NRXN3: variants seen among roughly 807,000 people sequenced by gnomAD.
NRXN3 encodes the protein neurexin III.
In NRXN3, 32 loss-of-function variants were observed where a neutral mutation model predicts 137.6. The ratio of observed to expected loss-of-function variants is 0.23; its 90% CI spans 0.18 to 0.31. NRXN3 has a LOEUF of 0.31. Among genes scored for constraint, NRXN3 ranks in the 10% least tolerant of loss-of-function variants. The pLI is 1.00. For synonymous variants in NRXN3, 798 were observed against 784.5 expected, an observed-to-expected ratio of 1.02 and a Z score of -0.29; for missense variants, 1,574 against 2,062.5, an observed-to-expected ratio of 0.76 and a Z score of 4.59.
At chr14:78,444,173 T>C (rs984193625) in intron 4 of NRXN3, among the ~76,000 whole-genome samples, 1 of 152,226 alleles carries the variant, frequency 6.6e-6, no homozygotes, top group Non-Finnish European at 1.5e-5. Flanking sequence ...CCTCCTAATA[T>C]AAGCCATGTC....
At chr14:79,685,229 C>T (rs548157017) in intron 17 of NRXN3, among the ~76,000 whole-genome samples, 2 of 152,122 alleles carry the variant, frequency 1.3e-5, no homozygotes, top group Non-Finnish European at 2.9e-5. Flanking sequence ...GCTTTATATA[C>T]ATTTCCTTTT....
chr14:79,836,425 T>G (rs1466990609), intron 20 of NRXN3, among the ~76,000 whole-genome samples: 1 of 150,996 alleles, frequency 6.6e-6, no homozygotes, highest in East Asian at 2.0e-4. Flanking sequence ...ACACTTGTAG[T>G]ATCAAGCCTG....
chr14:79,014,944 G>C (rs1233384598), intron 15 of NRXN3, among the ~76,000 whole-genome samples: 1 of 152,096 alleles, frequency 6.6e-6, no homozygotes, highest in African/African-American at 2.4e-5. Context: ...AATGAGTCCT[G>C]GTGCATGGTA....
intron 4 of NRXN3, among the ~76,000 whole-genome samples, chr14:78,432,439 T>C (rs2093919993): frequency 6.6e-6 from 1 of 152,172 alleles, no homozygotes; most frequent in African/African-American, 2.4e-5. Flanking sequence ...ATCAAGCTGT[T>C]CAGCATTGGC....
At chr14:78,681,527 C>T (rs1447241471) in intron 6 of NRXN3, among the ~76,000 whole-genome samples, 4 of 152,054 alleles carry the variant, frequency 2.6e-5, no homozygotes, top group Non-Finnish European at 5.9e-5. Flanking sequence ...CTGTGGAGAC[C>T]TCAGATTCTT....
At chr14:79,473,500 A>G (rs2096532877) in intron 16 of NRXN3, among the ~76,000 whole-genome samples, 2 of 152,108 alleles carry the variant, frequency 1.3e-5, no homozygotes, top group South Asian at 4.1e-4. Context: ...GTCCTTAGTA[A>G]GGTTAGGTGG....
chr14:79,141,872 C>T lies in NRXN3; in HGVS notation c.3262+153731C>T, dbSNP rs143777039. Among the ~76,000 whole-genome samples, 997 of 152,218 alleles carry T rather than the reference C, an allele frequency of 6.5e-3. 7 individuals are homozygous for T. Among genetic ancestry groups the T allele is most frequent in the African/African-American group, 0.023 (940 of 41,520 alleles). ...GTGGCCTCAAACTTCTGTATATATT[C>T]GGTATATTCCATTAAGTGCAATTTT... On this transcript the variant is annotated intron_variant, in intron 15 of 20. Transcript: ENST00000335750.
chr14:79,686,789 ATACTACAACTT>A (rs2098697102), intron 17 of NRXN3, among the ~76,000 whole-genome samples: 1 of 152,148 alleles, frequency 6.6e-6, no homozygotes, highest in Admixed American at 6.6e-5. Flanking sequence ...TGGTAAACCC[ATACTACAACTT>A]TAATTTAGGA....
At chr14:79,506,247 C>G (rs1354221236) in intron 16 of NRXN3, among the ~76,000 whole-genome samples, 4 of 152,176 alleles carry the variant, frequency 2.6e-5, no homozygotes, top group African/African-American at 9.7e-5. Context: ...AGCAGGATCA[C>G]TGGAGCCTGT....
intron 17 of NRXN3, among the ~76,000 whole-genome samples, chr14:79,687,178 C>T (rs930677780): frequency 3.3e-5 from 5 of 152,150 alleles, no homozygotes; most frequent in African/African-American, 9.7e-5. Flanking sequence ...GCTCCTTGGT[C>T]GAAAGGCACT....
At chr14:78,527,660 T>A (rs2096400409) in intron 4 of NRXN3, among the ~76,000 whole-genome samples, 1 of 152,232 alleles carries the variant, frequency 6.6e-6, no homozygotes, top group African/African-American at 2.4e-5. Context: ...GTAATAGCTT[T>A]AACTGGCTAG....
chr14:79,734,956 T>C (rs1477026808), intron 19 of NRXN3, among the ~76,000 whole-genome samples: 1 of 152,190 alleles, frequency 6.6e-6, no homozygotes, highest in Non-Finnish European at 1.5e-5. Flanking sequence ...TTAAGCCTAC[T>C]AGGTACCAAA....
At chr14:78,262,238 G>A (rs1485872275) in intron 2 of NRXN3, among the ~76,000 whole-genome samples, 1 of 152,124 alleles carries the variant, frequency 6.6e-6, no homozygotes, top group Admixed American at 6.6e-5. Flanking sequence ...TTGGAGTATG[G>A]TTGATGGGTA....
intron 15 of NRXN3, among the ~76,000 whole-genome samples, chr14:79,190,556 C>T (rs141134024): frequency 1.3e-5 from 2 of 152,164 alleles, no homozygotes; most frequent in Non-Finnish European, 2.9e-5. Flanking sequence ...TGTTCAGTTG[C>T]CCCGGTGTGC....
At chr14:79,151,917 A>C (rs1443291631) in intron 15 of NRXN3, among the ~76,000 whole-genome samples, 2 of 152,104 alleles carry the variant, frequency 1.3e-5, no homozygotes, top group African/African-American at 4.8e-5. Context: ...TTTTCATACT[A>C]TAACATATTT....
At chr14:78,534,713 C>A (rs1336725155) in intron 4 of NRXN3, among the ~76,000 whole-genome samples, 1 of 152,154 alleles carries the variant, frequency 6.6e-6, no homozygotes, top group Non-Finnish European at 1.5e-5. Context: ...CACTGTGCCA[C>A]AGTGCCATTC....
intron 20 of NRXN3, among the ~76,000 whole-genome samples, chr14:79,843,954 T>G (rs1316487167): frequency 6.6e-6 from 1 of 152,108 alleles, no homozygotes; most frequent in East Asian, 1.9e-4. Flanking sequence ...TGTACCTTTG[T>G]GTCCTCATAG....
chr14:78,728,772 T>G (rs994278338), intron 8 of NRXN3, among the ~76,000 whole-genome samples: 2 of 152,082 alleles, frequency 1.3e-5, no homozygotes, highest in East Asian at 3.9e-4. Flanking sequence ...TGGTGGCAGG[T>G]GCCTGTAATC....
At chr14:79,398,476 T>C (rs1300064235) in intron 15 of NRXN3, among the ~76,000 whole-genome samples, 1 of 151,854 alleles carries the variant, frequency 6.6e-6, no homozygotes, top group Non-Finnish European at 1.5e-5. Flanking sequence ...CACATCTCAG[T>C]GTAGTAAGCA....
Sources: gnomAD v4.1 joint callset for allele counts (sites outside exome capture counted in the v4.1 genomes callset) on GRCh38, gnomAD v4.1.1 for gene constraint, MANE v1.5 for transcripts, NCBI Gene and HGNC (gene_info 2026-07-23, HGNC 2026-07-21) for gene names.